Variants in ESR1 observed in about 807,000 individuals in gnomAD.
ESR1 encodes the protein estrogen receptor.
Under a neutral mutation model 52.7 loss-of-function variants are expected in ESR1, and 12 were observed. The ratio of observed to expected loss-of-function variants is 0.23; its 90% CI spans 0.15 to 0.37. The LOEUF (loss-of-function observed/expected upper bound fraction) is 0.37, where lower values mean the gene tolerates loss of function less well. Ranked by LOEUF, ESR1 falls within the 10% of genes least tolerant of loss-of-function variation. ESR1 has a pLI of 1.00. For synonymous variants in ESR1, 305 were observed against 316.8 expected (o/e 0.96, Z 0.39); for missense variants, 584 against 779.7 (o/e 0.75, Z 2.99).
At chr6:151,687,324 C>T (rs1180234537), upstream of ESR1, among the ~76,000 whole-genome samples, 2 of 152,098 alleles carry the variant, frequency 1.3e-5, no homozygotes, top group Non-Finnish European at 2.9e-5. Context: ...AGTGAGTGGT[C>T]AGGTACTGAT....
intron 3 of ESR1, among the ~76,000 whole-genome samples, chr6:151,895,654 C>T (rs1047091369): frequency 6.6e-5 from 10 of 152,188 alleles, no homozygotes; most frequent in Admixed American, 3.3e-4. Context: ...GATGGTCATG[C>T]GATTTTTGTT....
chr6:151,741,226 C>T (rs1275065884), intron 2 of ESR1, among the ~76,000 whole-genome samples: 1 of 151,872 alleles, frequency 6.6e-6, no homozygotes, highest in African/African-American at 2.4e-5. Context: ...TTTTCTTCTT[C>T]CTCCTTCTCC....
intron 5 of ESR1, among the ~76,000 whole-genome samples, chr6:152,016,691 C>T (rs554588897): frequency 7.2e-5 from 11 of 152,266 alleles, no homozygotes; most frequent in Admixed American, 2.6e-4. Context: ...CTTCTTTTTG[C>T]TCTTGTCCCA....
chr6:151,917,523 A>G (rs1375625428), intron 3 of ESR1, among the ~76,000 whole-genome samples: 1 of 152,194 alleles, frequency 6.6e-6, no homozygotes, highest in African/African-American at 2.4e-5. Flanking sequence ...TTAAGAGTGA[A>G]CATTATAGTT....
chr6:151,965,390 A>G (rs1002525744), intron 4 of ESR1, among the ~76,000 whole-genome samples: 2 of 152,188 alleles, frequency 1.3e-5, no homozygotes, highest in African/African-American at 4.8e-5. Context: ...ATGGTAAAGA[A>G]ATTTCATGTG....
At chr6:151,934,456 T>C (rs778367851) in intron 3 of ESR1, among the ~76,000 whole-genome samples, 9 of 152,210 alleles carry the variant, frequency 5.9e-5, no homozygotes, top group African/African-American at 1.2e-4. Flanking sequence ...TAAAATAAAA[T>C]TAAAATTGAT....
intron 5 of ESR1, among the ~76,000 whole-genome samples, chr6:152,050,711 A>G (rs911181305): frequency 3.3e-5 from 5 of 152,196 alleles, no homozygotes; most frequent in Admixed American, 3.3e-4. Context: ...CCTTCTGGTG[A>G]GATCATCAAT....
intron 5 of ESR1, among the ~76,000 whole-genome samples, chr6:152,051,668 G>T (rs1377329876): frequency 2.0e-5 from 3 of 152,116 alleles, no homozygotes; most frequent in African/African-American, 2.4e-5. Context: ...GTGTTTCTCT[G>T]AGCTCCAGGT....
chr6:151,658,382 A>G (rs1777529013), intron 1 of ESR1, among the ~76,000 whole-genome samples: 1 of 152,190 alleles, frequency 6.6e-6, no homozygotes, highest in African/African-American at 2.4e-5. Flanking sequence ...TTCCTGAGCT[A>G]TCCTCACTCA....
intron 6 of ESR1, among the ~76,000 whole-genome samples, chr6:152,062,781 A>G (rs1311942266): frequency 6.6e-6 from 1 of 152,178 alleles, no homozygotes; most frequent in Admixed American, 6.5e-5. Context: ...CCCACCCCGA[A>G]CTTTTACTGA....
intron 4 of ESR1, among the ~76,000 whole-genome samples, chr6:151,960,148 A>G (rs1035980268): frequency 2.6e-5 from 4 of 152,190 alleles, no homozygotes; most frequent in African/African-American, 9.7e-5. Context: ...CTGGTTGGAA[A>G]TGGCAGCTCC....
chr6:152,027,899 T>A (rs1024207278), intron 5 of ESR1, among the ~76,000 whole-genome samples: 1 of 152,100 alleles, frequency 6.6e-6, no homozygotes, highest in Non-Finnish European at 1.5e-5. Context: ...ATCCCAGCAC[T>A]TTGGGAGGCC....
chr6:151,808,692 G>A (rs1344629707), intron 1 of ESR1, among the ~76,000 whole-genome samples: 1 of 152,198 alleles, frequency 6.6e-6, no homozygotes, highest in East Asian at 1.9e-4. Context: ...TTATTTGTGG[G>A]GGAAAACACC....
chr6:151,845,443 C>T lies in ESR1; in HGVS notation c.643+2656C>T, dbSNP rs778218469. Among the ~76,000 whole-genome samples the T allele has an allele frequency of 1.1e-4, 17 of 152,102 alleles. No homozygotes were observed. In the South Asian group the frequency reaches 1.4e-3, roughly 13 times the overall value. Reference sequence around the variant, plus strand: ...AATTAGCTGAGCGTGGTGGTGCACACCTGTAGTCCCAGCTACTTGGGAGGC... The same window carrying T: ...AATTAGCTGAGCGTGGTGGTGCACATCTGTAGTCCCAGCTACTTGGGAGGC... On this transcript the variant is annotated intron_variant, in intron 2 of 7. Coordinates refer to ENST00000206249, the MANE Select transcript of ESR1 (RefSeq NM_000125.4).
At chr6:151,884,425 G>T (rs1283352113) in intron 3 of ESR1, among the ~76,000 whole-genome samples, 2 of 152,182 alleles carry the variant, frequency 1.3e-5, no homozygotes, top group Non-Finnish European at 2.9e-5. Context: ...AACCATTAGG[G>T]TTCACAACAA....
At position 151,919,428 on chromosome 6, in the gene ESR1, G is replaced by A. The variant is rs78882895; in HGVS notation, c.761-24745G>A. On this transcript the variant is annotated intron_variant, in intron 3 of 7. Coordinates refer to ENST00000206249, the MANE Select transcript of ESR1 (RefSeq NM_000125.4). ...GAATCAAGTAATTGATGACCTGGGA[G>A]CCAATTTTATTACAATAGTGTTTTT... is the stretch of plus-strand genomic sequence containing the variant. Among the ~76,000 whole-genome samples the A allele has an allele frequency of 2.8e-3, 433 of 152,242 alleles. 3 individuals are homozygous for A. The highest frequency in any genetic ancestry group is 0.01 in the African/African-American group (418 of 41,550).
chr6:151,873,965 C>T (rs978353654), intron 2 of ESR1, among the ~76,000 whole-genome samples: 24 of 152,100 alleles, frequency 1.6e-4, no homozygotes, highest in African/African-American at 4.1e-4. Flanking sequence ...ATGGGTCAAT[C>T]GGGTATAAAA....
At chr6:151,729,378 G>A (rs928779250) in intron 2 of ESR1, among the ~76,000 whole-genome samples, 2 of 152,170 alleles carry the variant, frequency 1.3e-5, no homozygotes, top group African/African-American at 4.8e-5. Context: ...AGTGTGTTTT[G>A]TTTTAGCAGG....
chr6:151,859,590 G>T (rs1788512642), intron 2 of ESR1, among the ~76,000 whole-genome samples: 1 of 152,220 alleles, frequency 6.6e-6, no homozygotes, highest in Admixed American at 6.5e-5. Flanking sequence ...TTCTCCATGT[G>T]TCAGCTTCGC....
Sources: gnomAD v4.1 joint callset for allele counts (sites outside exome capture counted in the v4.1 genomes callset) on GRCh38, gnomAD v4.1.1 for gene constraint, MANE v1.5 for transcripts, NCBI Gene and HGNC (gene_info 2026-07-23, HGNC 2026-07-21) for gene names.